The following FHIP1A variants were observed in gnomAD, a reference collection of about 807,000 sequenced individuals.
FHIP1A encodes FHF complex subunit HOOK interacting protein 1A.
In FHIP1A, 61 loss-of-function variants were observed where a neutral mutation model predicts 88.6. The ratio of observed to expected loss-of-function variants is 0.69; its 90% CI spans 0.56 to 0.85. The LOEUF (loss-of-function observed/expected upper bound fraction) is 0.85. Ranked by LOEUF, FHIP1A falls within the 40% of genes least tolerant of loss-of-function variation. The probability of loss-of-function intolerance (pLI) is 0.00; values close to 1 mark genes in which losing one functional copy is unlikely to be tolerated. For synonymous variants in FHIP1A, 478 were observed against 496.0 expected (o/e 0.96, Z 0.48); for missense variants, 1,154 against 1,273.5 (o/e 0.91, Z 1.43).
At chr4:151,529,593 T>G (rs1312584204) in intron 3 of FHIP1A, among the ~76,000 whole-genome samples, 1 of 152,156 alleles carries the variant, frequency 6.6e-6, no homozygotes, top group Non-Finnish European at 1.5e-5. Context: ...TGATGGTGTG[T>G]GTATGTTTTG....
intron 2 of FHIP1A, among the ~76,000 whole-genome samples, chr4:151,473,879 G>C (rs1435200609): frequency 1.3e-5 from 2 of 152,210 alleles, no homozygotes; most frequent in Non-Finnish European, 2.9e-5. Flanking sequence ...ATTTGAGATG[G>C]AAGAGTCAGG....
At chr4:151,491,558 G>A (rs1382879160) in intron 3 of FHIP1A, among the ~76,000 whole-genome samples, 3 of 151,608 alleles carry the variant, frequency 2.0e-5, no homozygotes, top group Non-Finnish European at 4.4e-5. Context: ...ATCTCACAGG[G>A]CCTATAAAAC....
intron 7 of FHIP1A, among the ~76,000 whole-genome samples, chr4:151,602,963 T>C (rs1734930983): frequency 1.3e-5 from 2 of 152,208 alleles, no homozygotes; most frequent in South Asian, 4.1e-4. Context: ...CCTTAAGGAC[T>C]ATACCCAGCT....
chr4:151,654,724 G>A (rs1213967448), intron 11 of FHIP1A, among the ~76,000 whole-genome samples: 1 of 152,120 alleles, frequency 6.6e-6, no homozygotes, highest in Non-Finnish European at 1.5e-5. Flanking sequence ...TTCAAACTGG[G>A]GTCCCTATCC....
intron 1 of FHIP1A, among the ~76,000 whole-genome samples, chr4:151,453,469 AGATAAT>A (rs1728866015): frequency 6.6e-6 from 1 of 152,356 alleles, no homozygotes; most frequent in East Asian, 1.9e-4. Flanking sequence ...ATAATAATGG[AGATAAT>A]GATAATATAC....
chr4:151,625,795 T>C (rs1735932183), intron 7 of FHIP1A, among the ~76,000 whole-genome samples: 1 of 152,190 alleles, frequency 6.6e-6, no homozygotes, highest in Admixed American at 6.5e-5. Context: ...AAAAACACAC[T>C]TTTGGAGCTC....
chr4:151,660,396 G>A (rs1560828105), intron 13 of FHIP1A, among the ~76,000 whole-genome samples: 1 of 152,098 alleles, frequency 6.6e-6, no homozygotes, highest in Non-Finnish European at 1.5e-5. Context: ...CTTTTTAGGG[G>A]GGAAGAGAAT....
At chr4:151,545,544 A>T (rs934567624) in intron 3 of FHIP1A, among the ~76,000 whole-genome samples, 14 of 151,284 alleles carry the variant, frequency 9.3e-5, no homozygotes, top group African/African-American at 3.4e-4. Flanking sequence ...CGCCCGGCTA[A>T]TTTTTTGTAT....
intron 1 of FHIP1A, among the ~76,000 whole-genome samples, chr4:151,412,835 C>T (rs1192593634): frequency 6.6e-6 from 1 of 151,542 alleles, no homozygotes; most frequent in African/African-American, 2.4e-5. Flanking sequence ...CAGGCAAGCA[C>T]CACCACGCCT....
intron 7 of FHIP1A, among the ~76,000 whole-genome samples, chr4:151,596,286 C>G (rs1450646931): frequency 1.3e-5 from 2 of 152,152 alleles, no homozygotes; most frequent in Non-Finnish European, 2.9e-5. Context: ...GCTTAGGAAG[C>G]TTACTTTGGC....
chr4:151,507,614 C>G (rs1730879815), intron 3 of FHIP1A, among the ~76,000 whole-genome samples: 1 of 151,974 alleles, frequency 6.6e-6, no homozygotes, highest in African/African-American at 2.4e-5. Context: ...ATCTTAGATG[C>G]ATATTGTATG....
Position 151,649,459 on chromosome 4 carries a change from G to A in FHIP1A, c.1418G>A (p.Gly473Glu). Residue 473 changes from glycine (G) to glutamate (E), a missense_variant and splice_region_variant, in exon 11 of 14, where the codon GGG (glycine) becomes GAG (glutamate). Gly to Glu is a moderately conservative substitution (Grantham distance 98). Coordinates refer to ENST00000435205, the MANE Select transcript of FHIP1A (RefSeq NM_001109977.3). Reference protein sequence around the residue: ...LWSKCMHDTSGPVERPFPEAF... With the variant: ...LWSKCMHDTSEPVERPFPEAF... ...TAACCAGCCTCTGCCTCCTGTGCAG[G>A]GCCTGTGGAGCGGCCATTCCCCGAA... 1 of 1,543,990 alleles carries A rather than the reference G, an allele frequency of 6.5e-7. No homozygotes were observed. The highest frequency in any genetic ancestry group is 8.7e-7 in the Non-Finnish European group (1 of 1,143,172).
chr4:151,500,018 C>G (rs922667024), intron 3 of FHIP1A, among the ~76,000 whole-genome samples: 5 of 152,162 alleles, frequency 3.3e-5, no homozygotes, highest in Admixed American at 2.6e-4. Context: ...TTTTGGAAGT[C>G]TTTCATTTTA....
intron 7 of FHIP1A, among the ~76,000 whole-genome samples, chr4:151,608,068 G>T (rs1578811547): frequency 6.5e-5 from 3 of 45,988 alleles, no homozygotes; most frequent in Admixed American, 3.4e-4. Context: ...TTTTTGAGAT[G>T]GCGTCTCACT....
At chr4:151,627,089 A>C (rs1212291791) in intron 7 of FHIP1A, among the ~76,000 whole-genome samples, 5 of 152,220 alleles carry the variant, frequency 3.3e-5, no homozygotes, top group Non-Finnish European at 7.3e-5. Flanking sequence ...GAAGGGAGCC[A>C]GATTTTCCTG....
At chr4:151,512,367 A>G (rs963379068) in intron 3 of FHIP1A, among the ~76,000 whole-genome samples, 1 of 152,244 alleles carries the variant, frequency 6.6e-6, no homozygotes, top group African/African-American at 2.4e-5. Context: ...CAGAGCAGAA[A>G]AAGTGGAAAC....
chr4:151,589,621 C>G (rs1185068001), intron 7 of FHIP1A, among the ~76,000 whole-genome samples: 1 of 152,186 alleles, frequency 6.6e-6, no homozygotes, highest in African/African-American at 2.4e-5. Context: ...ATACCTCTAG[C>G]AGAGACAGAA....
intron 1 of FHIP1A, among the ~76,000 whole-genome samples, chr4:151,430,590 T>C (rs1733553572): frequency 6.6e-6 from 1 of 152,220 alleles, no homozygotes. Flanking sequence ...TGGCATTGAT[T>C]TTAAGTAGGA....
chr4:151,477,548 G>C (rs1305095714), intron 2 of FHIP1A, among the ~76,000 whole-genome samples: 1 of 151,714 alleles, frequency 6.6e-6, no homozygotes, highest in Non-Finnish European at 1.5e-5. Context: ...AGTAGCTTCT[G>C]CATACTTCAA....
Sources: allele counts gnomAD v4.1 joint callset (sites outside exome capture counted in the v4.1 genomes callset), GRCh38; gene constraint gnomAD v4.1.1; transcripts MANE v1.5; gene names NCBI Gene and HGNC (gene_info 2026-07-23, HGNC 2026-07-21).